BBS9: variants seen among roughly 807,000 people sequenced by gnomAD.
The protein encoded by BBS9 is Bardet-Biedl syndrome 9.
BBS9 carries 89 observed loss-of-function variants against 117.7 expected under a neutral mutation model. The observed-to-expected ratio is 0.76, with a 90% CI of 0.64 to 0.90. The LOEUF (loss-of-function observed/expected upper bound fraction) is 0.90. BBS9 is among the 40% of genes least tolerant of loss of function. The pLI is 0.00. For synonymous variants in BBS9, 379 were observed against 370.9 expected (o/e 1.02, Z -0.25); for missense variants, 982 against 1,042.2 (o/e 0.94, Z 0.80).
At chr7:33,547,598 T>C (rs1398404811) in intron 21 of BBS9, among the ~76,000 whole-genome samples, 1 of 152,164 alleles carries the variant, frequency 6.6e-6, no homozygotes, top group Non-Finnish European at 1.5e-5. Context: ...TAAAGTCTTA[T>C]AATGGTTTTT....
intron 4 of BBS9, among the ~76,000 whole-genome samples, chr7:33,172,441 A>G (rs1351574795): frequency 6.6e-6 from 1 of 152,102 alleles, no homozygotes; most frequent in East Asian, 1.9e-4. Flanking sequence ...CGTCATGTCC[A>G]CCTATGCAGA....
chr7:33,227,177 TG>T (rs1040215870), intron 5 of BBS9, among the ~76,000 whole-genome samples: 6 of 151,956 alleles, frequency 3.9e-5, no homozygotes, highest in Admixed American at 3.9e-4. Flanking sequence ...TTTTTTTTTT[TG>T]AGACACAGTT....
chr7:33,337,950 A>C (rs1815723421), intron 10 of BBS9, among the ~76,000 whole-genome samples: 1 of 152,048 alleles, frequency 6.6e-6, no homozygotes, highest in African/African-American at 2.4e-5. Flanking sequence ...ACATTAATTG[A>C]ATATGAAATT....
chr7:33,278,358 C>T (rs1801179645), intron 9 of BBS9, among the ~76,000 whole-genome samples: 1 of 152,088 alleles, frequency 6.6e-6, no homozygotes, highest in Admixed American at 6.6e-5. Flanking sequence ...GATTGGGCTT[C>T]CAAGGCTTAT....
chr7:33,573,220 T>C (rs750545405), intron 21 of BBS9, among the ~76,000 whole-genome samples: 10 of 152,122 alleles, frequency 6.6e-5, no homozygotes, highest in Non-Finnish European at 1.5e-4. Context: ...TTCTCCTGGT[T>C]CTTTTTAGTA....
At chr7:33,424,873 A>C (rs1470835712) in intron 19 of BBS9, among the ~76,000 whole-genome samples, 1 of 152,208 alleles carries the variant, frequency 6.6e-6, no homozygotes, top group Non-Finnish European at 1.5e-5. Flanking sequence ...TTGATCACTC[A>C]GAGTAACAGA....
intron 9 of BBS9, among the ~76,000 whole-genome samples, chr7:33,324,764 C>CT (rs199621740): frequency 1.4e-4 from 22 of 151,968 alleles, no homozygotes; most frequent in African/African-American, 4.1e-4. Flanking sequence ...AGGAAAAAGT[C>CT]TTTTTTTTCT....
intron 19 of BBS9, among the ~76,000 whole-genome samples, chr7:33,395,251 T>G (rs1420855973): frequency 6.6e-6 from 1 of 152,192 alleles, no homozygotes; most frequent in Non-Finnish European, 1.5e-5. Context: ...TGTGTGACTT[T>G]GTTGATTTCA....
intron 19 of BBS9, among the ~76,000 whole-genome samples, chr7:33,442,383 G>A (rs1367546171): frequency 6.6e-6 from 1 of 152,170 alleles, no homozygotes; most frequent in African/African-American, 2.4e-5. Flanking sequence ...AGTGTGGTTT[G>A]TGGTGTGTAA....
chr7:33,495,964 G>T (rs1398596084), intron 19 of BBS9, among the ~76,000 whole-genome samples: 1 of 152,102 alleles, frequency 6.6e-6, no homozygotes, highest in East Asian at 1.9e-4. Context: ...CCGGTTTTAT[G>T]TGAATTCTCA....
intron 21 of BBS9, among the ~76,000 whole-genome samples, chr7:33,562,507 C>T (rs368150958): frequency 1.1e-4 from 16 of 152,132 alleles, no homozygotes; most frequent in African/African-American, 2.4e-4. Context: ...AATTGGCTTC[C>T]GCTAGGTCAA....
At chr7:33,462,445 A>G (rs1021495097) in intron 19 of BBS9, among the ~76,000 whole-genome samples, 1 of 152,114 alleles carries the variant, frequency 6.6e-6, no homozygotes, top group Non-Finnish European at 1.5e-5. Flanking sequence ...TTAAGTTGCC[A>G]CAATTATTAG....
intron 5 of BBS9, among the ~76,000 whole-genome samples, chr7:33,236,486 T>A (rs1442860391): frequency 6.6e-6 from 1 of 151,992 alleles, no homozygotes; most frequent in East Asian, 1.9e-4. Flanking sequence ...CAAAATGGGT[T>A]ATACTGTCCA....
chr7:33,290,127 T>C (rs563787671), intron 9 of BBS9, among the ~76,000 whole-genome samples: 27 of 152,132 alleles, frequency 1.8e-4, no homozygotes, highest in African/African-American at 5.3e-4. Context: ...AATGTCGCAA[T>C]AACTTAAAGC....
intron 5 of BBS9, among the ~76,000 whole-genome samples, chr7:33,190,899 CTG>C (rs1411454659): frequency 6.6e-6 from 1 of 152,168 alleles, no homozygotes; most frequent in Non-Finnish European, 1.5e-5. Flanking sequence ...GAATAATTAA[CTG>C]TGGTGAATCT....
At chr7:33,173,101 T>C (rs1274003863) in intron 4 of BBS9, among the ~76,000 whole-genome samples, 2 of 152,228 alleles carry the variant, frequency 1.3e-5, no homozygotes, top group East Asian at 3.8e-4. Flanking sequence ...CTAAAATTAC[T>C]GAGTTCAGAG....
At chr7:33,198,221 C>G (rs558237011) in intron 5 of BBS9, among the ~76,000 whole-genome samples, 6 of 151,882 alleles carry the variant, frequency 4.0e-5, no homozygotes, top group Non-Finnish European at 8.8e-5. Context: ...AGATGTAATC[C>G]TAAATTTAAT....
intron 5 of BBS9, among the ~76,000 whole-genome samples, chr7:33,211,944 T>G (rs1381835092): frequency 1.3e-5 from 2 of 152,224 alleles, no homozygotes; most frequent in Non-Finnish European, 2.9e-5. Context: ...TTGCCACATG[T>G]ATTAGAGCTC....
intron 9 of BBS9, among the ~76,000 whole-genome samples, chr7:33,290,142 A>G (rs1803727300): frequency 6.6e-6 from 1 of 152,130 alleles, no homozygotes; most frequent in African/African-American, 2.4e-5. Context: ...TAAAGCATTT[A>G]GGAATGTAAA....
Sources: allele counts gnomAD v4.1 joint callset (sites outside exome capture counted in the v4.1 genomes callset), GRCh38; gene constraint gnomAD v4.1.1; transcripts MANE v1.5; gene names NCBI Gene and HGNC (gene_info 2026-07-23, HGNC 2026-07-21).